Variants in UBASH3B observed in about 807,000 individuals in gnomAD.
UBASH3B encodes ubiquitin associated and SH3 domain containing B.
A neutral mutation model predicts 83.4 loss-of-function variants in UBASH3B; 37 were observed. That is an observed-to-expected ratio of 0.44 (90% CI 0.34 to 0.58). UBASH3B has a LOEUF of 0.58. UBASH3B is among the 20% of genes least tolerant of loss of function. The pLI, the probability that UBASH3B is intolerant of heterozygous loss-of-function variation, is 0.01. For missense variants in UBASH3B, 657 were observed against 827.2 expected (o/e 0.79, Z 2.52); for synonymous variants, 304 against 318.3 (o/e 0.96, Z 0.48).
chr11:122,729,575 G>A (rs1287295729), intron 1 of UBASH3B, among the ~76,000 whole-genome samples: 2 of 152,100 alleles, frequency 1.3e-5, no homozygotes, highest in Non-Finnish European at 2.9e-5. Context: ...AGAGATGCAT[G>A]CTAATGTCTG....
chr11:122,774,109 G>A, intron 1 of UBASH3B: 6 of 985,304 alleles, frequency 6.1e-6, no homozygotes, highest in Non-Finnish European at 7.2e-6. Context: ...AAGTCGTGAG[G>A]AAACAGACAA....
chr11:122,791,051 T>C (rs1241108363), intron 6 of UBASH3B, among the ~76,000 whole-genome samples: 1 of 152,200 alleles, frequency 6.6e-6, no homozygotes, highest in African/African-American at 2.4e-5. Flanking sequence ...CAGGCCGATG[T>C]ATAGGTGAAC....
chr11:122,696,147 A>G (rs1178542189), intron 1 of UBASH3B, among the ~76,000 whole-genome samples: 1 of 151,490 alleles, frequency 6.6e-6, no homozygotes, highest in Non-Finnish European at 1.5e-5. Flanking sequence ...ACGGGGTTTC[A>G]CCATGTTGGC....
intron 1 of UBASH3B, among the ~76,000 whole-genome samples, chr11:122,675,493 T>C (rs1190626379): frequency 6.6e-6 from 1 of 152,214 alleles, no homozygotes; most frequent in Non-Finnish European, 1.5e-5. Context: ...GTCTTTGTTC[T>C]GTTTGGTCTG....
chr11:122,693,596 A>C (rs1863924285), intron 1 of UBASH3B, among the ~76,000 whole-genome samples: 1 of 152,080 alleles, frequency 6.6e-6, no homozygotes, highest in African/African-American at 2.4e-5. Context: ...ATGATGGCCG[A>C]GCGTGGTGGC....
At chr11:122,726,994 C>G (rs767015195) in intron 1 of UBASH3B, among the ~76,000 whole-genome samples, 1 of 152,218 alleles carries the variant, frequency 6.6e-6, no homozygotes, top group African/African-American at 2.4e-5. Context: ...CTCTTGTCCA[C>G]GGGTCCCAGG....
At chr11:122,808,861 C>T (rs1016197557) in intron 13 of UBASH3B, among the ~76,000 whole-genome samples, 1 of 151,804 alleles carries the variant, frequency 6.6e-6, no homozygotes, top group Non-Finnish European at 1.5e-5. Context: ...AGAATTTTGT[C>T]TTGTTTGTAA....
At chr11:122,801,589 A>C (rs753478481) in intron 11 of UBASH3B, among the ~76,000 whole-genome samples, 1 of 152,220 alleles carries the variant, frequency 6.6e-6, no homozygotes, top group Non-Finnish European at 1.5e-5. Context: ...TACCTGTTTC[A>C]GTGTAATAAA....
intron 11 of UBASH3B, 80 bp downstream of exon 11, chr11:122,801,412 A>G: frequency 1.3e-6 from 2 of 1,541,470 alleles, no homozygotes; most frequent in Non-Finnish European, 8.8e-7. Flanking sequence ...TTCAGGAAGG[A>G]GCCAGGGCTG....
intron 6 of UBASH3B, among the ~76,000 whole-genome samples, chr11:122,792,143 G>A (rs961991536): frequency 8.6e-5 from 13 of 151,936 alleles, no homozygotes; most frequent in African/African-American, 2.7e-4. Context: ...GCTGGCATTC[G>A]TCTTGCCATG....
chr11:122,751,556 T>G (rs1861199712), intron 1 of UBASH3B, among the ~76,000 whole-genome samples: 1 of 152,222 alleles, frequency 6.6e-6, no homozygotes, highest in African/African-American at 2.4e-5. Context: ...TTTAATTGGG[T>G]GCTCTGTTTA....
At chr11:122,706,265 G>A (rs7939482) in intron 1 of UBASH3B, among the ~76,000 whole-genome samples, 111,771 of 151,750 alleles carry the variant, frequency 0.74, 41,850 homozygotes, top group East Asian at 0.95. Context: ...ACAGGCATGC[G>A]CCACAGAGCT....
intron 1 of UBASH3B, among the ~76,000 whole-genome samples, chr11:122,748,557 A>G (rs2135965971): frequency 6.6e-6 from 1 of 152,358 alleles, no homozygotes; most frequent in South Asian, 2.1e-4. Flanking sequence ...GTTGGGCTAA[A>G]TAATTTACGT....
intron 1 of UBASH3B, among the ~76,000 whole-genome samples, chr11:122,725,880 G>C (rs1220122214): frequency 6.6e-6 from 1 of 152,030 alleles, no homozygotes; most frequent in Non-Finnish European, 1.5e-5. Flanking sequence ...CTTTAGTAGA[G>C]ACAGGGTTTT....
chr11:122,766,685 G>T (rs571571724), intron 1 of UBASH3B, among the ~76,000 whole-genome samples: 1 of 152,398 alleles, frequency 6.6e-6, no homozygotes, highest in South Asian at 2.1e-4. Flanking sequence ...GGGGCTGGCA[G>T]TGAGCCAAGA....
At chr11:122,797,075 T>A (rs1175699179) in intron 9 of UBASH3B, 42 bp downstream of exon 9, 1 of 1,544,056 alleles carries the variant, frequency 6.5e-7, no homozygotes, top group East Asian at 2.3e-5. Context: ...ATTTCTTGCC[T>A]CCTCCTTCAA....
chr11:122,736,528 T>A (rs1212160761), intron 1 of UBASH3B, among the ~76,000 whole-genome samples: 1 of 151,088 alleles, frequency 6.6e-6, no homozygotes, highest in Non-Finnish European at 1.5e-5. Flanking sequence ...ACAGAGAGAA[T>A]GCTGGGAGAA....
chr11:122,743,542 T>G (rs1861062061), intron 1 of UBASH3B, among the ~76,000 whole-genome samples: 1 of 152,194 alleles, frequency 6.6e-6, no homozygotes, highest in African/African-American at 2.4e-5. Flanking sequence ...CTGGCTGACT[T>G]AATCTCTTGC....
intron 1 of UBASH3B, among the ~76,000 whole-genome samples, chr11:122,730,214 A>G (rs986820580): frequency 2.0e-5 from 3 of 152,088 alleles, no homozygotes; most frequent in African/African-American, 4.8e-5. Context: ...TGAACCCAGG[A>G]GGTGGAGTTT....
Sources: gnomAD v4.1 joint callset for allele counts (sites outside exome capture counted in the v4.1 genomes callset) on GRCh38, gnomAD v4.1.1 for gene constraint, MANE v1.5 for transcripts, NCBI Gene and HGNC (gene_info 2026-07-23, HGNC 2026-07-21) for gene names.